Variants in TMEM108 observed in about 807,000 individuals in gnomAD.
The protein encoded by TMEM108 is cancer/testis antigen 124.
In TMEM108, 12 loss-of-function variants were observed where a neutral mutation model predicts 35.1. The ratio of observed to expected loss-of-function variants is 0.34; its 90% CI spans 0.22 to 0.55. The LOEUF is 0.55. TMEM108 is among the 20% of genes least tolerant of loss of function. The pLI, the probability that TMEM108 is intolerant of heterozygous loss-of-function variation, is 0.89. For synonymous variants in TMEM108, 287 were observed against 308.6 expected (o/e 0.93, Z 0.73); for missense variants, 680 against 753.3 (o/e 0.90, Z 1.14).
intron 2 of TMEM108, among the ~76,000 whole-genome samples, chr3:133,100,846 T>C (rs1450051): frequency 0.34 from 51,303 of 152,062 alleles, 8,780 homozygotes; most frequent in Admixed American, 0.41. Flanking sequence ...AACCCTACAT[T>C]GTAGAGATAA....
At chr3:133,332,239 T>G (rs918467868) in intron 3 of TMEM108, among the ~76,000 whole-genome samples, 1 of 152,150 alleles carries the variant, frequency 6.6e-6, no homozygotes, top group Non-Finnish European at 1.5e-5. Context: ...TGATAAATGG[T>G]ACAGTGAATC....
At chr3:133,097,332 G>C (rs1295242254) in intron 2 of TMEM108, among the ~76,000 whole-genome samples, 1 of 152,188 alleles carries the variant, frequency 6.6e-6, no homozygotes, top group African/African-American at 2.4e-5. Flanking sequence ...TTAGATGTCT[G>C]GTGATGAAAA....
In TMEM108 at chr3:133,380,273, G is replaced by A; in HGVS notation, c.562G>A (p.Gly188Ser). 6.2e-7 allele frequency: 1 copy of A among 1,613,998 alleles called. No individual in the cohort carries two copies. Residue 188 changes from glycine to serine, a missense_variant, in exon 4 of 6, where the codon GGT becomes AGT. By Grantham distance (56) the Gly-to-Ser change is moderately conservative (BLOSUM62 0). Around this residue, in one of 3 missense-constraint regions of TMEM108, gnomAD observed 526 missense variants for 532.1 expected, o/e 0.99. Coordinates refer to ENST00000321871, the MANE Select transcript of TMEM108 (RefSeq NM_023943.4). This position sits in a 1 kb window ranked among gnomAD's most constrained non-coding sequence, Gnocchi z 5.3. Reference protein sequence around the residue: ...NSSRPVPPAPGGHSRSKEGQR... With the variant: ...NSSRPVPPAPSGHSRSKEGQR... Reference sequence around the variant, plus strand: ...ATCACGCCCTGTCCCGCCTGCACCTGGTGGCCACTCCAGGAGTAAAGAAGG... The same window carrying A: ...ATCACGCCCTGTCCCGCCTGCACCTAGTGGCCACTCCAGGAGTAAAGAAGG...
chr3:133,298,981 A>T (rs1289557364), intron 3 of TMEM108, among the ~76,000 whole-genome samples: 2 of 152,200 alleles, frequency 1.3e-5, no homozygotes, highest in African/African-American at 2.4e-5. Context: ...TTGAGCTGAC[A>T]GACAGGGGTG....
In TMEM108 at chr3:133,154,950, G is replaced by T. The variant is rs369289959; in HGVS notation, c.-46-74316G>T. On this transcript the variant is annotated intron_variant, in intron 2 of 5. Transcript: ENST00000321871. ...ATATAAGTAAACTCATGACTAGGAG[G>T]TTCAGTATAGACACTATTTCATCAC... Among the ~76,000 whole-genome samples, 85 of 152,198 alleles carry T rather than the reference G, an allele frequency of 5.6e-4. No individual in the cohort carries two copies. The South Asian group carries it at 0.013, about 24-fold the overall frequency.
At chr3:133,093,758 ATTTT>A (rs923785280) in intron 2 of TMEM108, among the ~76,000 whole-genome samples, 5 of 152,098 alleles carry the variant, frequency 3.3e-5, no homozygotes, top group African/African-American at 1.2e-4. Flanking sequence ...GCTTTAAAAC[ATTTT>A]TATGCCTTTC....
intron 2 of TMEM108, among the ~76,000 whole-genome samples, chr3:133,166,988 G>A (rs768982818): frequency 5.9e-5 from 9 of 151,868 alleles, no homozygotes; most frequent in Non-Finnish European, 5.9e-5. Context: ...CAATCTCTGA[G>A]CTAGACATAA....
intron 2 of TMEM108, among the ~76,000 whole-genome samples, chr3:133,054,932 TGAAGA>T (rs1943449506): frequency 6.6e-6 from 1 of 152,162 alleles, no homozygotes; most frequent in South Asian, 2.1e-4. Flanking sequence ...AAAGAGAGTC[TGAAGA>T]GAAGAGATTC....
chr3:133,220,535 A>T (rs188894291), intron 2 of TMEM108, among the ~76,000 whole-genome samples: 32 of 152,324 alleles, frequency 2.1e-4, no homozygotes, highest in African/African-American at 7.2e-4. Flanking sequence ...ATTCTACGTT[A>T]TTCCACTTTT....
chr3:133,196,707 C>T (rs572993298), intron 2 of TMEM108, among the ~76,000 whole-genome samples: 2 of 152,322 alleles, frequency 1.3e-5, no homozygotes, highest in South Asian at 2.1e-4. Context: ...AATAGACCAA[C>T]ATTCAGGGCT....
At chr3:133,239,981 G>A (rs914801197) in intron 3 of TMEM108, among the ~76,000 whole-genome samples, 18 of 152,178 alleles carry the variant, frequency 1.2e-4, no homozygotes, top group Non-Finnish European at 1.9e-4. Flanking sequence ...TCTGTTTTAA[G>A]AATGAGAAGG....
At chr3:133,040,376 G>A (rs1943260771) in intron 1 of TMEM108, among the ~76,000 whole-genome samples, 1 of 151,610 alleles carries the variant, frequency 6.6e-6, no homozygotes, top group Admixed American at 6.6e-5. Flanking sequence ...GCTAATTTTT[G>A]TATTTTTTAG....
intron 3 of TMEM108, among the ~76,000 whole-genome samples, chr3:133,308,400 G>T (rs957347147): frequency 2.6e-5 from 4 of 152,116 alleles, no homozygotes; most frequent in African/African-American, 9.7e-5. Context: ...ACACTATGTT[G>T]AATAGGAGTG....
intron 2 of TMEM108, among the ~76,000 whole-genome samples, chr3:133,205,873 G>A (rs891176508): frequency 3.9e-5 from 6 of 152,112 alleles, no homozygotes; most frequent in Non-Finnish European, 8.8e-5. Flanking sequence ...AGTTCTCCTG[G>A]ATAATATCCT....
chr3:133,152,989 C>T (rs1944824062), intron 2 of TMEM108, among the ~76,000 whole-genome samples: 1 of 152,140 alleles, frequency 6.6e-6, no homozygotes. Context: ...TGTACTCAGG[C>T]CAAGATTTAA....
chr3:133,367,715 G>A (rs943825834), intron 3 of TMEM108, among the ~76,000 whole-genome samples: 2 of 152,222 alleles, frequency 1.3e-5, no homozygotes, highest in Non-Finnish European at 2.9e-5. Context: ...GGCAGGCTGT[G>A]TGCCAGAGGG....
intron 2 of TMEM108, among the ~76,000 whole-genome samples, chr3:133,086,210 C>T (rs983088796): frequency 2.6e-5 from 4 of 152,158 alleles, no homozygotes; most frequent in African/African-American, 7.2e-5. Context: ...TGTGACCTAT[C>T]CATCATTGAA....
chr3:133,229,673 T>C (rs1438611440), intron 3 of TMEM108, among the ~76,000 whole-genome samples: 1 of 152,242 alleles, frequency 6.6e-6, no homozygotes, highest in Non-Finnish European at 1.5e-5. Flanking sequence ...AATTTGGGAA[T>C]GAGTGTCCAA....
At chr3:133,352,803 A>G (rs936192484) in intron 3 of TMEM108, among the ~76,000 whole-genome samples, 9 of 152,146 alleles carry the variant, frequency 5.9e-5, no homozygotes, top group East Asian at 3.9e-4. Context: ...TCTGAACCCT[A>G]TCATTCTGGG....
Sources: allele counts gnomAD v4.1 joint callset (sites outside exome capture counted in the v4.1 genomes callset), GRCh38; gene constraint gnomAD v4.1.1; regional missense constraint gnomAD v4.1.1; non-coding constraint Gnocchi (gnomAD v3.1); transcripts MANE v1.5; gene names NCBI Gene and HGNC (gene_info 2026-07-23, HGNC 2026-07-21).